The following CPED1 variants were observed in gnomAD, a reference collection of about 807,000 sequenced individuals.
The protein encoded by CPED1 is cadherin-like and PC-esterase domain-containing protein 1.
CPED1 carries 114 observed loss-of-function variants against 128.2 expected under a neutral mutation model. The ratio of observed to expected loss-of-function variants is 0.89; its 90% confidence interval spans 0.76 to 1.04. CPED1 has a LOEUF of 1.04. Ranked by LOEUF, CPED1 falls within the 50% of genes least tolerant of loss-of-function variation. CPED1 has a pLI of 0.00. For synonymous variants in CPED1, 462 were observed against 426.7 expected (o/e 1.08, Z -1.02); for missense variants, 1,211 against 1,207.1 (o/e 1.00, Z -0.05).
chr7:121,277,096 G>A (rs1210822192), intron 22 of CPED1, among the ~76,000 whole-genome samples: 1 of 152,070 alleles, frequency 6.6e-6, no homozygotes, highest in Admixed American at 6.6e-5. Flanking sequence ...AAGTATAAGA[G>A]AGAAGTGGAC....
intron 12 of CPED1, among the ~76,000 whole-genome samples, chr7:121,130,738 A>G (rs1009147291): frequency 6.6e-6 from 1 of 151,186 alleles, no homozygotes; most frequent in South Asian, 2.1e-4. Flanking sequence ...ATGTATATAC[A>G]TATGTTCTGT....
chr7:120,992,739 T>A (rs556430003), intron 2 of CPED1, among the ~76,000 whole-genome samples: 1 of 152,110 alleles, frequency 6.6e-6, no homozygotes, highest in African/African-American at 2.4e-5. Flanking sequence ...TGGATCAGAG[T>A]TTTTATTCAT....
rs540800941 is a variant in CPED1 at position 121,024,676 on chromosome 7, TC to T, written c.433+8829del. Among the ~76,000 whole-genome samples the T allele has an allele frequency of 2.3e-3, 343 of 152,330 alleles. 2 individuals are homozygous for T. Among genetic ancestry groups the T allele is most frequent in the African/African-American group, 7.7e-3 (320 of 41,574 alleles). On this transcript the variant is annotated intron_variant, in intron 3 of 22. Transcript: ENST00000310396. ...TAAGTAATTTACTTCAGGTCATTGT[TC>T]TTTTTGTATGTCTTTAAAATGGAAA... is the stretch of plus-strand genomic sequence containing the variant.
At chr7:121,048,550 G>C (rs1042962515) in intron 4 of CPED1, among the ~76,000 whole-genome samples, 2 of 150,652 alleles carry the variant, frequency 1.3e-5, no homozygotes, top group Non-Finnish European at 3.0e-5. Context: ...TTTTTGTTTT[G>C]TTTTTTTGAG....
chr7:121,216,687 AG>A (rs1191082565), intron 16 of CPED1, among the ~76,000 whole-genome samples: 3 of 152,092 alleles, frequency 2.0e-5, no homozygotes, highest in South Asian at 4.1e-4. Flanking sequence ...GGATGCTGCA[AG>A]TTTTTCCTTA....
chr7:121,223,316 C>T (rs1395452557), intron 16 of CPED1, among the ~76,000 whole-genome samples: 1 of 152,126 alleles, frequency 6.6e-6, no homozygotes, highest in Non-Finnish European at 1.5e-5. Context: ...CCAACTTGAT[C>T]GTGATGGATA....
At chr7:121,291,485 G>A (rs966886027) in intron 22 of CPED1, among the ~76,000 whole-genome samples, 23 of 152,168 alleles carry the variant, frequency 1.5e-4, no homozygotes, top group Admixed American at 6.5e-5. Context: ...TTGGGCAGTG[G>A]TTTGTAGTTC....
intron 5 of CPED1, among the ~76,000 whole-genome samples, chr7:121,074,956 T>C (rs562796911): frequency 1.3e-5 from 2 of 152,292 alleles, no homozygotes; most frequent in Admixed American, 6.5e-5. Flanking sequence ...TTGTTTACCA[T>C]GGTCCATATG....
intron 3 of CPED1, among the ~76,000 whole-genome samples, chr7:121,018,863 A>G (rs937982549): frequency 2.6e-5 from 4 of 152,092 alleles, no homozygotes; most frequent in South Asian, 2.1e-4. Flanking sequence ...CAAAATGCAA[A>G]CCTGCAATCA....
intron 3 of CPED1, among the ~76,000 whole-genome samples, chr7:121,044,573 G>C (rs921826391): frequency 6.9e-6 from 1 of 144,476 alleles, no homozygotes; most frequent in African/African-American, 2.5e-5. Context: ...TGCTTTGTAA[G>C]TTATCTTACT....
rs779953988 is a variant in CPED1 at position 121,242,610 on chromosome 7, A to G, written c.2174-1592A>G. 3.3e-5 allele frequency among the ~76,000 whole-genome samples: 5 copies of G among 152,232 alleles called. No individual in the cohort carries two copies. In the East Asian group the frequency reaches 9.6e-4, roughly 29 times the overall value. On this transcript the variant is annotated intron_variant, in intron 17 of 22. Coordinates refer to ENST00000310396, the MANE Select transcript of CPED1 (RefSeq NM_024913.5). ...ATTGCATAGAAAGTATTTAGTAGAT[A>G]GACATTTAATAAAGCAGTTTTCTGT...
chr7:121,108,361 T>A (rs1234353784), intron 7 of CPED1, among the ~76,000 whole-genome samples: 1 of 152,144 alleles, frequency 6.6e-6, no homozygotes, highest in Middle Eastern at 3.2e-3. Flanking sequence ...GATTTCAGCA[T>A]TTGCCAGCCA....
At chr7:121,162,062 A>G (rs1310813477) in intron 16 of CPED1, among the ~76,000 whole-genome samples, 1 of 152,212 alleles carries the variant, frequency 6.6e-6, no homozygotes, top group Non-Finnish European at 1.5e-5. Context: ...GGGCAGTATC[A>G]TCACAGAAAA....
At chr7:121,155,436 A>T (rs1257126839) in intron 16 of CPED1, among the ~76,000 whole-genome samples, 1 of 152,224 alleles carries the variant, frequency 6.6e-6, no homozygotes, top group Admixed American at 6.5e-5. Flanking sequence ...AACTGCAGAC[A>T]TCACACTACA....
At chr7:121,191,072 G>A (rs1271527212) in intron 16 of CPED1, among the ~76,000 whole-genome samples, 1 of 152,108 alleles carries the variant, frequency 6.6e-6, no homozygotes. Flanking sequence ...AGGCCATGTG[G>A]TTATAGCAAA....
chr7:121,033,922 C>A (rs1446467462), intron 3 of CPED1, among the ~76,000 whole-genome samples: 1 of 152,162 alleles, frequency 6.6e-6, no homozygotes, highest in Non-Finnish European at 1.5e-5. Flanking sequence ...TCTTAGACTT[C>A]TCACAATCCC....
intron 14 of CPED1, among the ~76,000 whole-genome samples, chr7:121,137,371 C>T (rs1795807862): frequency 1.3e-5 from 2 of 151,994 alleles, no homozygotes; most frequent in African/African-American, 2.4e-5. Flanking sequence ...GGAGGTCTTG[C>T]TACATTGCCC....
chr7:121,209,366 A>G (rs1192844549), intron 16 of CPED1, among the ~76,000 whole-genome samples: 1 of 152,036 alleles, frequency 6.6e-6, no homozygotes, highest in African/African-American at 2.4e-5. Flanking sequence ...CTCCTCAGGA[A>G]ATTAAAATTC....
At chr7:121,186,503 G>T (rs147844639) in intron 16 of CPED1, among the ~76,000 whole-genome samples, 2 of 152,022 alleles carry the variant, frequency 1.3e-5, no homozygotes, top group Admixed American at 6.6e-5. Flanking sequence ...CTAGAAAGCT[G>T]AACACCAGCA....
Sources: gnomAD v4.1 joint callset for allele counts (sites outside exome capture counted in the v4.1 genomes callset) on GRCh38, gnomAD v4.1.1 for gene constraint, MANE v1.5 for transcripts, NCBI Gene and HGNC (gene_info 2026-07-23, HGNC 2026-07-21) for gene names.